VGLL4: variants seen among roughly 807,000 people sequenced by gnomAD.
VGLL4 encodes the protein transcription cofactor vestigial-like protein 4.
A neutral mutation model predicts 21.0 loss-of-function variants in VGLL4; 7 were observed. The ratio of observed to expected loss-of-function variants is 0.33; its 90% CI spans 0.19 to 0.63. The LOEUF (loss-of-function observed/expected upper bound fraction) is 0.63. VGLL4 is among the 20% of genes least tolerant of loss of function. VGLL4 has a pLI of 0.78. For missense variants in VGLL4, 394 were observed against 425.7 expected (o/e 0.93, Z 0.66); for synonymous variants, 222 against 173.2 (o/e 1.28, Z -2.21).
At chr3:11,574,785 A>ATGTG (rs375691226) in intron 2 of VGLL4, among the ~76,000 whole-genome samples, 16,335 of 121,454 alleles carry the variant, frequency 0.13, 1,160 homozygotes, top group East Asian at 0.16. Context: ...TCAACTATAT[A>ATGTG]TGTGTGTGTG....
At chr3:11,593,543 T>C (rs1170040080) in intron 2 of VGLL4, among the ~76,000 whole-genome samples, 1 of 151,222 alleles carries the variant, frequency 6.6e-6, no homozygotes, top group Non-Finnish European at 1.5e-5. Context: ...ACCCCTATGG[T>C]GAGAAAAGTG....
chr3:11,601,917 T>C lies in VGLL4; in HGVS notation c.188A>G (p.Lys63Arg). 5 of 1,613,838 alleles carry C rather than the reference T, an allele frequency of 3.1e-6. No individual in the cohort carries two copies. Among genetic ancestry groups the C allele is most frequent in the Non-Finnish European group, 4.2e-6 (5 of 1,179,902 alleles). The part of the protein sequence containing the change: ...GPPPISPSKR[K>R]FSMEPGDEDL... ...CTCGTCACCTGGCTCCATGCTGAACTTCCTCTTGCTGGGGCTGATTGGGGG... is the reference window on the plus strand; with the variant it reads ...CTCGTCACCTGGCTCCATGCTGAACCTCCTCTTGCTGGGGCTGATTGGGGG... Residue 63 changes from lysine (K) to arginine (R), a missense_variant, in exon 2 of 5, where the codon AAG becomes AGG. Coordinates refer to ENST00000430365, the MANE Select transcript of VGLL4 (RefSeq NM_001128219.3).
intron 1 of VGLL4, among the ~76,000 whole-genome samples, chr3:11,713,248 T>C (rs1350789896): frequency 6.6e-6 from 1 of 152,212 alleles, no homozygotes; most frequent in African/African-American, 2.4e-5. Context: ...GTATGTTACC[T>C]TTCTAAATAG....
chr3:11,598,219 GT>G (rs979055900), intron 2 of VGLL4, among the ~76,000 whole-genome samples: 7 of 151,712 alleles, frequency 4.6e-5, no homozygotes, highest in Non-Finnish European at 7.4e-5. Context: ...TACAGACAGG[GT>G]TTCACCATAT....
At chr3:11,584,780 C>A (rs1377068232) in intron 2 of VGLL4, among the ~76,000 whole-genome samples, 2 of 140,374 alleles carry the variant, frequency 1.4e-5, no homozygotes, top group African/African-American at 2.7e-5. Flanking sequence ...AAATGCTGAC[C>A]AACCAATCCT....
chr3:11,578,094 A>C (rs1028017958), intron 2 of VGLL4, among the ~76,000 whole-genome samples: 1 of 152,208 alleles, frequency 6.6e-6, no homozygotes, highest in Admixed American at 6.5e-5. Context: ...ACCAGCGTAG[A>C]CAGTCTAATA....
intron 2 of VGLL4, among the ~76,000 whole-genome samples, chr3:11,671,040 A>G (rs2076207051): frequency 6.6e-6 from 1 of 152,166 alleles, no homozygotes; most frequent in Non-Finnish European, 1.5e-5. Flanking sequence ...CTCAAAAATA[A>G]ATTTTAAAAA....
At chr3:11,677,067 T>C (rs1257516220) in intron 2 of VGLL4, among the ~76,000 whole-genome samples, 2 of 152,240 alleles carry the variant, frequency 1.3e-5, no homozygotes, top group East Asian at 3.8e-4. Flanking sequence ...ATCCTATATA[T>C]GTAGTTTTAT....
chr3:11,665,959 G>A (rs191891986), intron 2 of VGLL4, among the ~76,000 whole-genome samples: 11 of 152,260 alleles, frequency 7.2e-5, no homozygotes, highest in African/African-American at 1.2e-4. Flanking sequence ...GGATTAGAAA[G>A]TTCATTCTGG....
chr3:11,604,512 A>G lies in VGLL4; in HGVS notation c.83-2490T>C. 5.3e-6 allele frequency: 5 copies of G among 950,688 alleles called. 1 individual carries two copies. The South Asian group carries it at 2.6e-4, about 49-fold the overall frequency. The allele number at this position is 950,688 out of a possible 1,614,324, so 58.9% of individuals were successfully genotyped here. Reference sequence around the variant, plus strand: ...ATGCATCTTTGGGGCCCCTCCCTAGATGGCCTTAACCCAACACTTGTATGT... The same window carrying G: ...ATGCATCTTTGGGGCCCCTCCCTAGGTGGCCTTAACCCAACACTTGTATGT... On this transcript the variant is annotated intron_variant, in intron 1 of 4. Transcript: ENST00000430365.
At chr3:11,615,683 C>G (rs1355425199) in intron 1 of VGLL4, among the ~76,000 whole-genome samples, 2 of 152,052 alleles carry the variant, frequency 1.3e-5, no homozygotes, top group Non-Finnish European at 1.5e-5. Context: ...TTTTTATTTC[C>G]CATACTCATT....
intron 2 of VGLL4, among the ~76,000 whole-genome samples, chr3:11,683,688 G>A (rs1207623701): frequency 1.3e-5 from 2 of 151,972 alleles, no homozygotes; most frequent in African/African-American, 2.4e-5. Flanking sequence ...CAGCTACTCC[G>A]GAGGCTGAGA....
intron 1 of VGLL4, among the ~76,000 whole-genome samples, chr3:11,704,640 C>T (rs1447502026): frequency 6.6e-6 from 1 of 151,956 alleles, no homozygotes; most frequent in African/African-American, 2.4e-5. Context: ...AAGAAAAAAA[C>T]GTTTTTCTAT....
At chr3:11,642,851 T>TC (rs1286904576) in intron 1 of VGLL4, among the ~76,000 whole-genome samples, 4 of 151,934 alleles carry the variant, frequency 2.6e-5, no homozygotes, top group African/African-American at 9.7e-5. Flanking sequence ...GTGTCAGCGC[T>TC]CCCCGGGCTG....
At chr3:11,630,216 A>C (rs956477903) in intron 1 of VGLL4, among the ~76,000 whole-genome samples, 3 of 152,242 alleles carry the variant, frequency 2.0e-5, no homozygotes, top group African/African-American at 7.2e-5. Flanking sequence ...ACATAGTACC[A>C]ATCAACAGTG....
At chr3:11,702,142 G>A (rs966583219) in intron 2 of VGLL4, among the ~76,000 whole-genome samples, 1 of 152,036 alleles carries the variant, frequency 6.6e-6, no homozygotes, top group African/African-American at 2.4e-5. Flanking sequence ...GACGTTCGAT[G>A]ATTTTTTTTC....
chr3:11,659,261 G>C (rs926909441), intron 2 of VGLL4, among the ~76,000 whole-genome samples: 9 of 149,726 alleles, frequency 6.0e-5, no homozygotes, highest in African/African-American at 1.7e-4. Flanking sequence ...ACAAACAATA[G>C]AAGGCAGAGG....
chr3:11,620,845 C>T (rs2075253589), intron 1 of VGLL4, among the ~76,000 whole-genome samples: 1 of 152,134 alleles, frequency 6.6e-6, no homozygotes, highest in African/African-American at 2.4e-5. Context: ...TGAATGTACA[C>T]GTAGGATGTC....
At chr3:11,664,829 C>A (rs891697202) in intron 2 of VGLL4, among the ~76,000 whole-genome samples, 1 of 151,948 alleles carries the variant, frequency 6.6e-6, no homozygotes. Flanking sequence ...GTAATTAGTG[C>A]CTTAATATGT....
Sources: allele counts gnomAD v4.1 joint callset (sites outside exome capture counted in the v4.1 genomes callset), GRCh38; gene constraint gnomAD v4.1.1; transcripts MANE v1.5; gene names NCBI Gene and HGNC (gene_info 2026-07-23, HGNC 2026-07-21).